The following ZPBP variants were observed in gnomAD, a reference collection of about 807,000 sequenced individuals.
The protein encoded by ZPBP is zona pellucida-binding protein 1.
A neutral mutation model predicts 44.8 loss-of-function variants in ZPBP; 26 were observed. That is an observed-to-expected ratio of 0.58 (90% CI 0.43 to 0.81). ZPBP has a LOEUF of 0.81. Among genes scored for constraint, ZPBP ranks in the 30% least tolerant of loss-of-function variants. The pLI is 0.00. For synonymous variants in ZPBP, 174 were observed against 153.2 expected (o/e 1.14, Z -1.00); for missense variants, 409 against 434.0 (o/e 0.94, Z 0.51).
At chr7:49,876,604 G>A (rs184869653) in intron 2 of ZPBP, among the ~76,000 whole-genome samples, 6 of 152,152 alleles carry the variant, frequency 3.9e-5, no homozygotes, top group Admixed American at 2.0e-4. Context: ...GAGCATTAAC[G>A]AAGAGCAGCT....
At chr7:49,900,377 G>T (rs1395306849) in intron 2 of ZPBP, among the ~76,000 whole-genome samples, 1 of 151,610 alleles carries the variant, frequency 6.6e-6, no homozygotes, top group East Asian at 1.9e-4. Context: ...TAAAACAAAA[G>T]CTTGTTTATT....
At chr7:49,995,668 T>C (rs1797794801) in intron 6 of ZPBP, among the ~76,000 whole-genome samples, 1 of 152,210 alleles carries the variant, frequency 6.6e-6, no homozygotes, top group East Asian at 1.9e-4. Flanking sequence ...GTGATATATA[T>C]ACATAATGAA....
chr7:49,945,631 AT>A (rs921090040), intron 7 of ZPBP, among the ~76,000 whole-genome samples: 150 of 145,820 alleles, frequency 1.0e-3, no homozygotes, highest in South Asian at 3.7e-3. Flanking sequence ...CTTGAAATCT[AT>A]TTTTTTTTTC....
intron 1 of ZPBP, among the ~76,000 whole-genome samples, chr7:49,926,072 G>C (rs1316209976): frequency 2.6e-5 from 4 of 152,148 alleles, no homozygotes; most frequent in Non-Finnish European, 5.9e-5. Flanking sequence ...TAGTCACTTG[G>C]TGCCCCATAG....
chr7:49,959,719 T>G (rs928716017), intron 7 of ZPBP, among the ~76,000 whole-genome samples: 4 of 152,180 alleles, frequency 2.6e-5, no homozygotes, highest in Non-Finnish European at 4.4e-5. Context: ...AAATTACAGT[T>G]GAACTCTTTG....
intron 1 of ZPBP, chr7:49,913,185 T>C (rs1793547632): frequency 6.6e-6 from 1 of 152,220 alleles, no homozygotes; most frequent in Non-Finnish European, 1.5e-5. Context: ...AAATCTTGAC[T>C]GATAACCTTG....
At chr7:49,995,994 T>C (rs952721279) in intron 6 of ZPBP, among the ~76,000 whole-genome samples, 9 of 152,184 alleles carry the variant, frequency 5.9e-5, no homozygotes, top group African/African-American at 2.2e-4. Context: ...CAATGCATTT[T>C]ATATTTCAAA....
At chr7:50,085,571 A>T (rs1802593756) in intron 2 of ZPBP, among the ~76,000 whole-genome samples, 1 of 152,074 alleles carries the variant, frequency 6.6e-6, no homozygotes, top group South Asian at 2.1e-4. Context: ...TCCCTCCCAG[A>T]GTACTATCAG....
chr7:50,056,020 A>G (rs1427350627), intron 4 of ZPBP, among the ~76,000 whole-genome samples: 1 of 152,250 alleles, frequency 6.6e-6, no homozygotes, highest in Non-Finnish European at 1.5e-5. Flanking sequence ...CTTTGGCTAC[A>G]TGGGAAAGTA....
intron 7 of ZPBP, among the ~76,000 whole-genome samples, chr7:49,982,782 T>C (rs140306391): frequency 3.9e-4 from 59 of 152,044 alleles, no homozygotes; most frequent in Non-Finnish European, 7.2e-4. Context: ...ATAATAGAAA[T>C]GCAAAGACTT....
intron 6 of ZPBP, among the ~76,000 whole-genome samples, chr7:49,996,823 T>C (rs1045352073): frequency 1.3e-5 from 2 of 152,226 alleles, no homozygotes; most frequent in Admixed American, 6.5e-5. Context: ...ATGCCATACG[T>C]CTGCATATGT....
At chr7:50,035,476 C>A (rs1052061027) in intron 4 of ZPBP, among the ~76,000 whole-genome samples, 2 of 152,156 alleles carry the variant, frequency 1.3e-5, no homozygotes, top group African/African-American at 4.8e-5. Context: ...AATTAGTTTT[C>A]ACTTTACTGA....
intron 6 of ZPBP, among the ~76,000 whole-genome samples, chr7:49,996,294 G>A (rs1417053554): frequency 1.3e-5 from 2 of 152,122 alleles, no homozygotes; most frequent in Non-Finnish European, 2.9e-5. Context: ...TTATGCAACT[G>A]GAACTGGGGA....
intron 6 of ZPBP, among the ~76,000 whole-genome samples, chr7:50,017,458 A>T (rs1010329324): frequency 6.6e-6 from 1 of 152,124 alleles, no homozygotes; most frequent in African/African-American, 2.4e-5. Flanking sequence ...CTGGTTCCTA[A>T]CAGGCCATGG....
intron 7 of ZPBP, among the ~76,000 whole-genome samples, chr7:49,973,204 A>G (rs1421457583): frequency 3.3e-5 from 5 of 151,724 alleles, no homozygotes; most frequent in Non-Finnish European, 5.9e-5. Context: ...AGACAACAAA[A>G]GAAAAAATCT....
intron 7 of ZPBP, among the ~76,000 whole-genome samples, chr7:49,951,979 A>G (rs781675153): frequency 3.3e-5 from 5 of 151,922 alleles, no homozygotes; most frequent in South Asian, 2.1e-4. Flanking sequence ...AAAATAATAC[A>G]TATTGTTTTA....
At chr7:49,904,187 A>G (rs1792951640) in intron 1 of ZPBP, among the ~76,000 whole-genome samples, 1 of 152,160 alleles carries the variant, frequency 6.6e-6, no homozygotes, top group South Asian at 2.1e-4. Flanking sequence ...CTGCAGCTCA[A>G]CTTTACAGGC....
intron 2 of ZPBP, among the ~76,000 whole-genome samples, chr7:49,869,068 A>G (rs1023246271): frequency 7.2e-5 from 11 of 152,008 alleles, no homozygotes; most frequent in African/African-American, 2.4e-4. Context: ...AATTTTTGAA[A>G]CCCGTACAAG....
intron 2 of ZPBP, among the ~76,000 whole-genome samples, chr7:49,891,217 G>A (rs1792114135): frequency 6.6e-6 from 1 of 152,152 alleles, no homozygotes; most frequent in South Asian, 2.1e-4. Flanking sequence ...TAGCAGAACA[G>A]ACAAAGTAGA....
Sources: gnomAD v4.1 joint callset for allele counts (sites outside exome capture counted in the v4.1 genomes callset) on GRCh38, gnomAD v4.1.1 for gene constraint, MANE v1.5 for transcripts, NCBI Gene and HGNC (gene_info 2026-07-23, HGNC 2026-07-21) for gene names.